Variants in ADK observed in about 807,000 individuals in gnomAD.
ADK encodes adenosine kinase.
In ADK, 24 loss-of-function variants were observed where a neutral mutation model predicts 44.7. The observed-to-expected ratio is 0.54, with a 90% confidence interval of 0.39 to 0.76. The LOEUF (loss-of-function observed/expected upper bound fraction) is 0.76, where lower values mean the gene tolerates loss of function less well. Ranked by LOEUF, ADK falls within the 30% of genes least tolerant of loss-of-function variation. ADK has a pLI of 0.00. For synonymous variants in ADK, 128 were observed against 142.6 expected (o/e 0.90, Z 0.73); for missense variants, 321 against 425.1 (o/e 0.76, Z 2.15).
intron 7 of ADK, among the ~76,000 whole-genome samples, chr10:74,587,230 A>G (rs1851560153): frequency 6.6e-6 from 1 of 152,194 alleles, no homozygotes; most frequent in Non-Finnish European, 1.5e-5. Flanking sequence ...CTATTCCTTG[A>G]TATCACCGCC....
chr10:74,510,803 G>A (rs1848282876), intron 6 of ADK, among the ~76,000 whole-genome samples: 1 of 152,136 alleles, frequency 6.6e-6, no homozygotes, highest in African/African-American at 2.4e-5. Flanking sequence ...GACCTCCTAG[G>A]CTAAGGCAGT....
intron 9 of ADK, among the ~76,000 whole-genome samples, chr10:74,603,734 G>C (rs1384419670): frequency 1.3e-5 from 2 of 152,150 alleles, no homozygotes; most frequent in Non-Finnish European, 2.9e-5. Context: ...CTTTATAGTA[G>C]AATGATTTAT....
intron 6 of ADK, among the ~76,000 whole-genome samples, chr10:74,429,430 A>G (rs896730285): frequency 1.3e-5 from 2 of 152,176 alleles, no homozygotes; most frequent in African/African-American, 2.4e-5. Flanking sequence ...ATTCTGAGCA[A>G]TTTTTATATG....
At chr10:74,518,639 T>G (rs1432325554) in intron 6 of ADK, among the ~76,000 whole-genome samples, 2 of 152,194 alleles carry the variant, frequency 1.3e-5, no homozygotes, top group African/African-American at 4.8e-5. Flanking sequence ...TTTTCAAAAT[T>G]CAGTGATGTA....
At chr10:74,163,516 T>C (rs2132040910) in intron 1 of ADK, among the ~76,000 whole-genome samples, 1 of 152,334 alleles carries the variant, frequency 6.6e-6, no homozygotes, top group East Asian at 1.9e-4. Context: ...GTTCAGAATT[T>C]CATAATGTAC....
intron 3 of ADK, among the ~76,000 whole-genome samples, chr10:74,281,316 A>G (rs746614316): frequency 1.3e-5 from 2 of 152,238 alleles, no homozygotes; most frequent in African/African-American, 2.4e-5. Flanking sequence ...CCAAATCAGT[A>G]ATGGTAATTT....
chr10:74,355,480 G>A (rs755576771), intron 4 of ADK, among the ~76,000 whole-genome samples: 78 of 152,180 alleles, frequency 5.1e-4, no homozygotes, highest in Non-Finnish European at 7.6e-4. Context: ...ACTTTATTTC[G>A]TTATAAGCCC....
At chr10:74,542,798 G>A (rs1450725365) in intron 7 of ADK, among the ~76,000 whole-genome samples, 1 of 151,906 alleles carries the variant, frequency 6.6e-6, no homozygotes, top group East Asian at 1.9e-4. Context: ...GATCCTCTTT[G>A]AACTTAGCTT....
chr10:74,337,397 G>A (rs1841443588), intron 4 of ADK, among the ~76,000 whole-genome samples: 1 of 152,198 alleles, frequency 6.6e-6, no homozygotes, highest in Non-Finnish European at 1.5e-5. Flanking sequence ...GGTGGGCAGA[G>A]TAGCATTCAG....
chr10:74,302,619 C>G (rs1314644393), intron 3 of ADK, among the ~76,000 whole-genome samples: 1 of 151,902 alleles, frequency 6.6e-6, no homozygotes, highest in Non-Finnish European at 1.5e-5. Flanking sequence ...TTGGCAAAAC[C>G]TCGTCTCTTA....
chr10:74,212,414 C>T (rs1843851197), intron 2 of ADK, among the ~76,000 whole-genome samples: 1 of 152,124 alleles, frequency 6.6e-6, no homozygotes, highest in African/African-American at 2.4e-5. Context: ...AGCTTGTAAT[C>T]TAATTGAGGA....
rs373136848 is a variant in ADK at position 74,193,539 on chromosome 10, C to T, written c.66-7225C>T. ...CTGGCTCATGCCTGTAATCCTAGAA[C>T]CTAGGGAGGCTGAGGCAGAAGTATA... On this transcript the variant is annotated intron_variant, in intron 1 of 10. Transcript: ENST00000539909. Among the ~76,000 whole-genome samples the T allele has an allele frequency of 5.3e-5, 8 of 152,154 alleles. 1 individual carries two copies. Among genetic ancestry groups the T allele is most frequent in the African/African-American group, 1.4e-4 (6 of 41,504 alleles).
At chr10:74,336,815 A>G (rs1347869237) in intron 4 of ADK, among the ~76,000 whole-genome samples, 4 of 152,100 alleles carry the variant, frequency 2.6e-5, no homozygotes, top group African/African-American at 9.7e-5. Context: ...ATAATACCTA[A>G]TACACTATAA....
chr10:74,420,330 C>A (rs1462621910), intron 6 of ADK, among the ~76,000 whole-genome samples: 3 of 152,122 alleles, frequency 2.0e-5, no homozygotes, highest in Non-Finnish European at 4.4e-5. Context: ...TGTTAGTCTA[C>A]TTGAAGAGCT....
chr10:74,514,468 GT>G (rs1279794655), intron 6 of ADK, among the ~76,000 whole-genome samples: 1 of 148,354 alleles, frequency 6.7e-6, no homozygotes, highest in African/African-American at 2.5e-5. Context: ...TTTAAAGTTA[GT>G]CTGCCTGTGT....
intron 9 of ADK, among the ~76,000 whole-genome samples, chr10:74,619,804 C>T (rs144152962): frequency 5.3e-4 from 81 of 152,252 alleles, no homozygotes; most frequent in African/African-American, 1.6e-3. Flanking sequence ...CACTGCAACC[C>T]GTATCTTGCA....
chr10:74,338,914 A>C (rs1457840973), intron 4 of ADK, among the ~76,000 whole-genome samples: 1 of 152,182 alleles, frequency 6.6e-6, no homozygotes, highest in Non-Finnish European at 1.5e-5. Context: ...ACACACACTA[A>C]GAACAATGCA....
chr10:74,694,952 CT>C (rs970325959), intron 10 of ADK, among the ~76,000 whole-genome samples: 131 of 144,590 alleles, frequency 9.1e-4, no homozygotes, highest in Non-Finnish European at 7.2e-4. Context: ...ACCTGGAATT[CT>C]TTTTTTTTTT....
intron 1 of ADK, among the ~76,000 whole-genome samples, chr10:74,200,343 G>A (rs1843330275): frequency 6.6e-6 from 1 of 151,710 alleles, no homozygotes; most frequent in Admixed American, 6.6e-5. Flanking sequence ...AATTAGCCAG[G>A]CATGGTGGCA....
Sources: gnomAD v4.1 joint callset for allele counts (sites outside exome capture counted in the v4.1 genomes callset) on GRCh38, gnomAD v4.1.1 for gene constraint, MANE v1.5 for transcripts, NCBI Gene and HGNC (gene_info 2026-07-23, HGNC 2026-07-21) for gene names.